VTCN1: variants seen among roughly 807,000 people sequenced by gnomAD.
VTCN1 encodes V-set domain containing T cell activation inhibitor 1.
VTCN1 carries 26 observed loss-of-function variants against 26.5 expected under a neutral mutation model. That is an observed-to-expected ratio of 0.98 (90% CI 0.72 to 1.36). The LOEUF is 1.36. VTCN1 is among the 40% of genes most tolerant of loss of function. The pLI is 0.00. For missense variants in VTCN1, 298 were observed against 337.7 expected, an observed-to-expected ratio of 0.88 and a Z score of 0.92; for synonymous variants, 116 against 130.7, an observed-to-expected ratio of 0.89 and a Z score of 0.77.
At chr1:117,199,552 C>T (rs895993970) in intron 1 of VTCN1, among the ~76,000 whole-genome samples, 2 of 150,426 alleles carry the variant, frequency 1.3e-5, no homozygotes, top group Admixed American at 6.6e-5. Context: ...TCTCGAACTC[C>T]TGACCTCAAG....
intron 1 of VTCN1, among the ~76,000 whole-genome samples, chr1:117,187,453 T>C (rs555189374): frequency 6.6e-6 from 1 of 152,168 alleles, no homozygotes; most frequent in South Asian, 2.1e-4. Flanking sequence ...AAGTCCCCAA[T>C]GACATACAGG....
rs1452967058 is a variant in VTCN1, at chr1:117,169,559, CAACT to C, written c.97+544_97+547del. On this transcript the variant is annotated intron_variant, in intron 2 of 5. Transcript: ENST00000369458. This position sits in a 1 kb window ranked among gnomAD's most constrained non-coding sequence, Gnocchi z 4.0. ...TGATAAACATCTCATTTGATTATCT[CAACT>C]AACTGGTGATGTTGACAGTATCTCC... 6.6e-6 allele frequency among the ~76,000 whole-genome samples: 1 copy of C among 152,150 alleles called. No individual in the cohort carries two copies. The highest frequency in any genetic ancestry group is 1.5e-5 in the Non-Finnish European group (1 of 68,030).
intron 1 of VTCN1, among the ~76,000 whole-genome samples, chr1:117,188,185 G>C (rs904914275): frequency 5.9e-5 from 9 of 152,158 alleles, no homozygotes; most frequent in African/African-American, 4.8e-5. Context: ...AATCATACTT[G>C]AGAAATTCAA....
At chr1:117,208,894 A>C (rs2153906) in intron 1 of VTCN1, among the ~76,000 whole-genome samples, 131,847 of 152,182 alleles carry the variant, frequency 0.87, 58,896 homozygotes, top group Non-Finnish European at 0.97. Flanking sequence ...TGAGCGTTCC[A>C]ACATCACCAC....
At position 117,161,349 on chromosome 1, in the gene VTCN1, A is replaced by G. The variant is rs948075205; in HGVS notation, c.98-4428T>C. Among the ~76,000 whole-genome samples, 5 of 152,188 alleles carry G rather than the reference A, an allele frequency of 3.3e-5. No individual in the cohort carries two copies. The highest frequency in any genetic ancestry group is 1.2e-4 in the African/African-American group (5 of 41,450). On this transcript the variant is annotated intron_variant, in intron 2 of 5. Coordinates refer to ENST00000369458, the MANE Select transcript of VTCN1 (RefSeq NM_024626.4). This position sits in a 1 kb window ranked among gnomAD's most constrained non-coding sequence, Gnocchi z 4.3. Reference sequence around the variant, plus strand: ...CTTTAACACCAGTTATGCAAATTCTACTTATATTCAAAGTCCGTTCAGATG... The same window carrying G: ...CTTTAACACCAGTTATGCAAATTCTGCTTATATTCAAAGTCCGTTCAGATG...
rs1298327357 is a variant in VTCN1, at chr1:117,146,111, C to G, written c.*46-886G>C. 6.6e-6 allele frequency among the ~76,000 whole-genome samples: 1 copy of G among 152,040 alleles called. No individual in the cohort carries two copies. Among genetic ancestry groups the G allele is most frequent in the South Asian group, 2.1e-4 (1 of 4,808 alleles). On this transcript the variant is annotated intron_variant, in intron 5 of 5. Coordinates refer to ENST00000369458, the MANE Select transcript of VTCN1 (RefSeq NM_024626.4). The surrounding 1 kb of genome is among the most constrained non-coding windows in gnomAD (Gnocchi z 4.2). ...TTTTTTAAAGCTGTAAATTATTACT[C>G]TAAGGGAATACAAGGTAAAGATGAG... is the stretch of plus-strand genomic sequence containing the variant.
chr1:117,149,297 T>G (rs1475570261), intron 4 of VTCN1, among the ~76,000 whole-genome samples: 3 of 151,798 alleles, frequency 2.0e-5, no homozygotes, highest in African/African-American at 7.3e-5. Context: ...GGGTGGGTTT[T>G]TTTTTTTTTT....
At position 117,145,043 on chromosome 1, in the gene VTCN1, T is replaced by G. The variant is rs1381325273; in HGVS notation, c.*228A>C. On this transcript the variant is annotated 3_prime_UTR_variant, in exon 6 of 6. Transcript: ENST00000369458. The surrounding 1 kb of genome is among the most constrained non-coding windows in gnomAD (Gnocchi z 4.6). ...CACTTGTCTAGTTCACATGAATTAT[T>G]TTCCCAACTTCTAATATGTCTTTGA... 3 of 152,658 alleles carry G rather than the reference T, an allele frequency of 2.0e-5. No homozygotes were observed. The highest frequency in any genetic ancestry group is 2.9e-5 in the Non-Finnish European group (2 of 68,042). The allele number at this position is 152,658 out of a possible 1,614,324, so 9.5% of individuals were successfully genotyped here. A position where few individuals can be genotyped will look rare whatever the true frequency, so the allele number is the denominator to read the frequency against.
Position 117,145,974 on chromosome 1 carries a change from T to G in VTCN1, c.*46-749A>C, listed in dbSNP as rs1651483949. 6.6e-6 allele frequency among the ~76,000 whole-genome samples: 1 copy of G among 152,212 alleles called. No homozygotes were observed. The highest frequency in any genetic ancestry group is 2.4e-5 in the African/African-American group (1 of 41,462). Reference sequence around the variant, plus strand: ...AAAAAATCTACTTGATTTATGGTTATTCCTCTATGGTGCCAGGGAGAAAGA... The same window carrying G: ...AAAAAATCTACTTGATTTATGGTTAGTCCTCTATGGTGCCAGGGAGAAAGA... On this transcript the variant is annotated intron_variant, in intron 5 of 5. Coordinates refer to ENST00000369458, the MANE Select transcript of VTCN1 (RefSeq NM_024626.4). This position sits in a 1 kb window ranked among gnomAD's most constrained non-coding sequence, Gnocchi z 4.6.
intron 1 of VTCN1, among the ~76,000 whole-genome samples, chr1:117,187,309 CAA>C (rs11415949): frequency 0.13 from 9,439 of 72,806 alleles, 292 homozygotes; most frequent in East Asian, 0.21. Flanking sequence ...GACCTTGTCT[CAA>C]AAAAAAAAAA....
chr1:117,189,019 G>A (rs147121152), intron 1 of VTCN1, among the ~76,000 whole-genome samples: 378 of 152,196 alleles, frequency 2.5e-3, no homozygotes, highest in African/African-American at 8.6e-3. Flanking sequence ...GCAGTGTCAC[G>A]GTAAACAAAA....
chr1:117,149,740 A>G (rs907149181), intron 4 of VTCN1, among the ~76,000 whole-genome samples: 22 of 152,246 alleles, frequency 1.4e-4, no homozygotes, highest in Non-Finnish European at 7.3e-5. Flanking sequence ...GGCACACAAT[A>G]GATATTTGTT....
chr1:117,171,201 G>T (rs1454639824), intron 1 of VTCN1, among the ~76,000 whole-genome samples: 1 of 152,156 alleles, frequency 6.6e-6, no homozygotes, highest in Non-Finnish European at 1.5e-5. Flanking sequence ...TTTTATGGCT[G>T]CATAGTATTC....
chr1:117,156,066 T>C (rs948899302), intron 3 of VTCN1, among the ~76,000 whole-genome samples: 3 of 152,136 alleles, frequency 2.0e-5, no homozygotes, highest in Non-Finnish European at 2.9e-5. Context: ...TCAGAAAACA[T>C]ATGTTAAATT....
intron 1 of VTCN1, among the ~76,000 whole-genome samples, chr1:117,202,902 G>C (rs1366963445): frequency 6.6e-6 from 1 of 152,220 alleles, no homozygotes; most frequent in Non-Finnish European, 1.5e-5. Context: ...GGGGTGGGTA[G>C]CTGGAGAGGT....
chr1:117,186,780 C>A (rs1196311770), intron 1 of VTCN1, among the ~76,000 whole-genome samples: 1 of 152,214 alleles, frequency 6.6e-6, no homozygotes, highest in Non-Finnish European at 1.5e-5. Flanking sequence ...GGAATCCCAG[C>A]ACCTTGAGAG....
chr1:117,149,958 A>C (rs1488755888), intron 4 of VTCN1, among the ~76,000 whole-genome samples: 1 of 152,228 alleles, frequency 6.6e-6, no homozygotes, highest in Admixed American at 6.5e-5. Context: ...ACAAACATGT[A>C]AAGAAGACAG....
intron 1 of VTCN1, among the ~76,000 whole-genome samples, chr1:117,209,478 A>C (rs989119093): frequency 1.3e-5 from 2 of 152,190 alleles, no homozygotes; most frequent in Non-Finnish European, 1.5e-5. Flanking sequence ...ACAGTTTCAC[A>C]GTCATCTGGC....
At position 117,165,712 on chromosome 1, in the gene VTCN1, G is replaced by A. The variant is rs148189609; in HGVS notation, c.97+4395C>T. Among the ~76,000 whole-genome samples the A allele has an allele frequency of 2.0e-3, 302 of 152,298 alleles. 9 individuals are homozygous for A. The East Asian group carries it at 0.05, about 25-fold the overall frequency. On this transcript the variant is annotated intron_variant, in intron 2 of 5. Coordinates refer to ENST00000369458, the MANE Select transcript of VTCN1 (RefSeq NM_024626.4). ...TGCTTCCTGTAAAGCCTGCAGAATC[G>A]TGAGCCAATTAAACTTCTTTTCTTT...
Sources: allele counts gnomAD v4.1 joint callset (sites outside exome capture counted in the v4.1 genomes callset), GRCh38; gene constraint gnomAD v4.1.1; non-coding constraint Gnocchi (gnomAD v3.1); transcripts MANE v1.5; gene names NCBI Gene and HGNC (gene_info 2026-07-23, HGNC 2026-07-21).